Variants in LARGE1 observed in about 807,000 individuals in gnomAD.
LARGE1 encodes the protein xylosyl- and glucuronyltransferase LARGE1.
Under a neutral mutation model 87.6 loss-of-function variants are expected in LARGE1, and 43 were observed. The ratio of observed to expected loss-of-function variants is 0.49; its 90% CI spans 0.38 to 0.63. The LOEUF is 0.63. LARGE1 is among the 30% of genes least tolerant of loss of function. The probability of loss-of-function intolerance (pLI) is 0.00; values close to 1 mark genes in which losing one functional copy is unlikely to be tolerated. For missense variants in LARGE1, 802 were observed against 1,000.2 expected, an observed-to-expected ratio of 0.80 and a Z score of 2.67; for synonymous variants, 434 against 394.6, an observed-to-expected ratio of 1.10 and a Z score of -1.18.
At chr22:33,876,004 T>TAA (rs770730780) in intron 1 of LARGE1, among the ~76,000 whole-genome samples, 44 of 152,190 alleles carry the variant, frequency 2.9e-4, no homozygotes, top group Non-Finnish European at 5.6e-4. Context: ...GATCTCAACC[T>TAA]AAATATCCCA....
At chr22:33,634,528 C>T (rs2080208854) in intron 3 of LARGE1, among the ~76,000 whole-genome samples, 2 of 152,112 alleles carry the variant, frequency 1.3e-5, no homozygotes, top group Admixed American at 6.6e-5. Context: ...CACTTTTCTT[C>T]ACTTGGACAA....
chr22:33,580,884 A>G (rs1044755484), intron 5 of LARGE1, among the ~76,000 whole-genome samples: 8 of 152,222 alleles, frequency 5.3e-5, no homozygotes, highest in African/African-American at 1.9e-4. Flanking sequence ...GTTAAATCCA[A>G]TGAAAATATT....
At chr22:33,556,914 G>T (rs58141020) in intron 6 of LARGE1, among the ~76,000 whole-genome samples, 7,214 of 152,166 alleles carry the variant, frequency 0.047, 279 homozygotes, top group African/African-American at 0.11. Context: ...GCTGAGGCAG[G>T]GGAATCACTT....
chr22:33,690,030 TCA>T (rs2149333149), intron 2 of LARGE1, among the ~76,000 whole-genome samples: 2 of 152,254 alleles, frequency 1.3e-5, no homozygotes, highest in South Asian at 4.1e-4. Flanking sequence ...TCCCACATGA[TCA>T]CTAGACATCC....
chr22:33,503,967 A>G (rs1441885293), intron 6 of LARGE1, among the ~76,000 whole-genome samples: 1 of 152,228 alleles, frequency 6.6e-6, no homozygotes, highest in Non-Finnish European at 1.5e-5. Context: ...CATACATGGT[A>G]TGATGTGGAC....
At chr22:33,533,459 C>T (rs182518744) in intron 6 of LARGE1, among the ~76,000 whole-genome samples, 12 of 152,198 alleles carry the variant, frequency 7.9e-5, no homozygotes, top group African/African-American at 2.2e-4. Flanking sequence ...GGCAGGCTGC[C>T]TCGATTGGCA....
the LARGE1 span, among the ~76,000 whole-genome samples, chr22:33,121,019 G>T: frequency 6.6e-6 from 1 of 151,880 alleles, no homozygotes; most frequent in Admixed American, 6.6e-5. Flanking sequence ...TTTAAAACCT[G>T]ACATAGTTTA....
chr22:33,416,637 A>G (rs1174173731), intron 7 of LARGE1, among the ~76,000 whole-genome samples: 1 of 151,572 alleles, frequency 6.6e-6, no homozygotes, highest in Non-Finnish European at 1.5e-5. Flanking sequence ...GGAGTCTCGC[A>G]TTGTCGCCCA....
At chr22:33,067,839 G>C in the LARGE1 span, among the ~76,000 whole-genome samples, 1 of 152,084 alleles carries the variant, frequency 6.6e-6, no homozygotes, top group Admixed American at 6.6e-5. Context: ...AATTAGCCAG[G>C]CGTGGTGGCG....
At chr22:33,826,387 G>T (rs986468918) in intron 1 of LARGE1, among the ~76,000 whole-genome samples, 1 of 148,784 alleles carries the variant, frequency 6.7e-6, no homozygotes, top group African/African-American at 2.5e-5. Context: ...CTGTCGCACA[G>T]GCTGGAGCAC....
At chr22:33,918,157 C>T (rs142211641) in intron 1 of LARGE1, among the ~76,000 whole-genome samples, 113 of 152,256 alleles carry the variant, frequency 7.4e-4, no homozygotes, top group African/African-American at 2.6e-3. Flanking sequence ...ATGAAAAAAA[C>T]CTTTCATTTC....
At chr22:33,431,135 G>A (rs1004942984) in intron 7 of LARGE1, among the ~76,000 whole-genome samples, 1 of 152,236 alleles carries the variant, frequency 6.6e-6, no homozygotes, top group Non-Finnish European at 1.5e-5. Context: ...TGGCAATGAG[G>A]ATGGAGGAGG....
chr22:33,308,639 T>A (rs1327021087), intron 11 of LARGE1, among the ~76,000 whole-genome samples: 1 of 152,150 alleles, frequency 6.6e-6, no homozygotes, highest in Non-Finnish European at 1.5e-5. Flanking sequence ...GGCTTGTACC[T>A]GCCGCCATGT....
At chr22:33,646,644 T>C (rs1431337283) in intron 3 of LARGE1, among the ~76,000 whole-genome samples, 1 of 152,124 alleles carries the variant, frequency 6.6e-6, no homozygotes, top group Admixed American at 6.5e-5. Context: ...CCTATATGAC[T>C]GTTTTATGTT....
At chr22:33,654,892 C>T (rs939992000) in intron 2 of LARGE1, among the ~76,000 whole-genome samples, 1 of 152,166 alleles carries the variant, frequency 6.6e-6, no homozygotes, top group Non-Finnish European at 1.5e-5. Flanking sequence ...AAAATTTGCC[C>T]CTAACACTCA....
intron 2 of LARGE1, among the ~76,000 whole-genome samples, chr22:33,717,208 T>G (rs1157791193): frequency 6.6e-6 from 1 of 152,096 alleles, no homozygotes; most frequent in Non-Finnish European, 1.5e-5. Context: ...TTCCTACCCA[T>G]TCATCCACCC....
intron 2 of LARGE1, among the ~76,000 whole-genome samples, chr22:33,717,686 T>G (rs929522548): frequency 2.0e-5 from 3 of 152,188 alleles, no homozygotes; most frequent in Admixed American, 2.0e-4. Context: ...CACTAACGAA[T>G]GTACTCAAGA....
intron 6 of LARGE1, among the ~76,000 whole-genome samples, chr22:33,530,867 C>T (rs1290740342): frequency 1.3e-5 from 2 of 152,176 alleles, no homozygotes; most frequent in East Asian, 3.8e-4. Context: ...ATTTTCTTTG[C>T]TACTAAAAGA....
chr22:33,553,243 C>T (rs1424505501), intron 6 of LARGE1, among the ~76,000 whole-genome samples: 11 of 152,114 alleles, frequency 7.2e-5, no homozygotes, highest in South Asian at 4.1e-4. Flanking sequence ...CAGTGGCTCA[C>T]GCCTGTAATC....
Sources: allele counts gnomAD v4.1 joint callset (sites outside exome capture counted in the v4.1 genomes callset), GRCh38; gene constraint gnomAD v4.1.1; transcripts MANE v1.5; gene names NCBI Gene and HGNC (gene_info 2026-07-23, HGNC 2026-07-21).